The following MBD6 variants were observed in gnomAD, a reference collection of about 807,000 sequenced individuals.
MBD6 encodes the protein methyl-CpG binding domain protein 6.
In MBD6, 22 loss-of-function variants were observed where a neutral mutation model predicts 66.8. The ratio of observed to expected loss-of-function variants is 0.33; its 90% CI spans 0.24 to 0.47. The LOEUF (loss-of-function observed/expected upper bound fraction) is 0.47, where lower values mean the gene tolerates loss of function less well. MBD6 is among the 20% of genes least tolerant of loss of function. The probability of loss-of-function intolerance (pLI) is 1.00; values close to 1 mark genes in which losing one functional copy is unlikely to be tolerated. For synonymous variants in MBD6, 540 were observed against 534.6 expected, an observed-to-expected ratio of 1.01 and a Z score of -0.14; for missense variants, 1,322 against 1,286.9, an observed-to-expected ratio of 1.03 and a Z score of -0.42.
At chr12:57,530,252 C>T (rs73346010), downstream of MBD6, 997 of 155,626 alleles carry the variant, frequency 6.4e-3, 8 homozygotes, top group African/African-American at 0.023. Flanking sequence ...CCTGTTATGA[C>T]GAATGAATAT....
rs1878939579 is a variant in MBD6, at chr12:57,526,226, A to G, written c.1258A>G (p.Thr420Ala). ...TGTGCTGTCCCTGCTGGGACTCCCC[A>G]CCCCTGGCCCTTCCCACTCTGATGG... Reference protein sequence around the residue: ...PSVLSLLGLPTPGPSHSDGSF... With the variant: ...PSVLSLLGLPAPGPSHSDGSF... The change falls in exon 6 of 13, where the codon ACC becomes GCC. Residue 420 changes from threonine to alanine, a missense_variant. By Grantham distance (58) the Thr-to-Ala change is moderately conservative (BLOSUM62 0). Coordinates refer to ENST00000355673, the MANE Select transcript of MBD6 (RefSeq NM_052897.4). 1 of 1,612,814 alleles carries G rather than the reference A, an allele frequency of 6.2e-7. No homozygotes were observed. Among genetic ancestry groups the G allele is most frequent in the South Asian group, 1.1e-5 (1 of 91,036 alleles).
rs1473939766 is a variant in MBD6 at position 57,529,421 on chromosome 12, C to T, written c.*187C>T. On this transcript the variant is annotated 3_prime_UTR_variant, in exon 13 of 13. Transcript: ENST00000355673. ...ATTGCAGGGGGCAGGGAAGTTCACC[C>T]CCCCCCACCACCCCCCCGCCCCCCC... The T allele has an allele frequency of 1.3e-5, 7 of 540,472 alleles. No homozygotes were observed. The highest frequency in any genetic ancestry group is 1.3e-5 in the Non-Finnish European group (4 of 307,604). The allele number at this position is 540,472 out of a possible 1,614,324, so 33.5% of individuals were successfully genotyped here.
chr12:57,527,762 C>G, intron 8 of MBD6, 86 bp from the exon 9 acceptor site: 2 of 1,557,148 alleles, frequency 1.3e-6, no homozygotes, highest in South Asian at 1.2e-5. Flanking sequence ...TCTTTGGCCA[C>G]TGGATAAAGC....
At chr12:57,531,265 T>C (rs1879675693), downstream of MBD6, among the ~76,000 whole-genome samples, 1 of 152,108 alleles carries the variant, frequency 6.6e-6, no homozygotes, top group Non-Finnish European at 1.5e-5. Context: ...CTCACGCCTG[T>C]AATCTCAGCA....
rs1878812364 is a variant in MBD6 at position 57,525,410 on chromosome 12, C to T, written c.442C>T (p.Pro148Ser). The T allele has an allele frequency of 3.2e-6, 5 of 1,541,898 alleles. No homozygotes were observed. In the Admixed American group the frequency reaches 1.1e-4, roughly 33 times the overall value. ...VSPGPPSARP[P>S]CRVPPTTPLN... ...CCCAGGGCCCCCCTCTGCCCGCCCT[C>T]CCTGTCGAGTTCCTCCTACAACTCC... The change falls in exon 6 of 13, where the codon CCC becomes TCC. Residue 148 changes from proline (P) to serine (S), a missense_variant. Physicochemically the swap from Pro to Ser is moderately conservative, Grantham distance 74. Coordinates refer to ENST00000355673, the MANE Select transcript of MBD6 (RefSeq NM_052897.4).
At position 57,526,581 on chromosome 12, in the gene MBD6, C is replaced by G. The variant is rs377266092; in HGVS notation, c.1436C>G (p.Pro479Arg). Residue 479 changes from proline to arginine, a missense_variant, in exon 7 of 13, where the codon CCA (proline) becomes CGA (arginine). Physicochemically the swap from Pro to Arg is moderately radical, Grantham distance 103 (BLOSUM62 -2). Coordinates refer to ENST00000355673, the MANE Select transcript of MBD6 (RefSeq NM_052897.4). ...LSSVPGAPAP[P>R]AASKAPVVPS... ...TCTTTTACAGGTGCCCCTGCCCCAC[C>G]AGCTGCCTCCAAAGCCCCAGTAGTC... The G allele has an allele frequency of 4.8e-4, 731 of 1,511,548 alleles. 8 individuals carry two copies. The South Asian group carries it at 8.5e-3, about 17-fold the overall frequency. The allele number at this position is 1,511,548 out of a possible 1,614,324, so 93.6% of individuals were successfully genotyped here. A position where few individuals can be genotyped will look rare whatever the true frequency, so the allele number is the denominator to read the frequency against.
chr12:57,524,916 C>G, intron 4 of MBD6, 37 bp from the exon 5 acceptor site: 1 of 1,603,920 alleles, frequency 6.2e-7, no homozygotes, highest in Non-Finnish European at 8.5e-7. Flanking sequence ...CAGGTTCCAG[C>G]CCCTCAGGGT....
At chr12:57,526,524 G>GA in intron 6 of MBD6, 42 bp from the exon 7 acceptor site, 3 of 1,513,218 alleles carry the variant, frequency 2.0e-6, no homozygotes, top group Non-Finnish European at 2.6e-6. Flanking sequence ...GATGATGGGA[G>GA]AAAGGGCCTC....
chr12:57,524,126 T>G (rs1878657543), intron 2 of MBD6, 34 bp downstream of exon 2: 1 of 456,494 alleles, frequency 2.2e-6, no homozygotes, highest in African/African-American at 2.0e-5. Flanking sequence ...GACTCCTCAG[T>G]CTCCCTCCCA....
At chr12:57,531,312 C>T (rs1306545280), downstream of MBD6, among the ~76,000 whole-genome samples, 2 of 151,844 alleles carry the variant, frequency 1.3e-5, no homozygotes, top group African/African-American at 4.8e-5. Context: ...CACTTGAGGT[C>T]AGGAGTTTGA....
upstream of MBD6, chr12:57,522,759 A>ACGACGGCGGCGG: frequency 6.4e-6 from 1 of 155,130 alleles, no homozygotes; most frequent in Non-Finnish European, 1.4e-5. Flanking sequence ...TGCGGCAGCG[A>ACGACGGCGGCGG]CGGCGGCGGC....
rs145464519 is a variant in MBD6, at chr12:57,528,427, G to T, written c.2687G>T (p.Arg896Leu). The change falls in exon 10 of 13, where the codon CGT becomes CTT. Residue 896 changes from arginine to leucine, a missense_variant. Coordinates refer to ENST00000355673, the MANE Select transcript of MBD6 (RefSeq NM_052897.4). ...CGACTGGCCCTCAAATGGGGGACACGTGGTGGCTTCAATGGACAAATGGAA... is the reference window on the plus strand; with the variant it reads ...CGACTGGCCCTCAAATGGGGGACACTTGGTGGCTTCAATGGACAAATGGAA... ...PGRLALKWGT[R>L]GGFNGQMERS... 6 of 1,613,396 alleles carry T rather than the reference G, an allele frequency of 3.7e-6. No individual in the cohort carries two copies. The African/African-American group carries it at 6.7e-5, about 18-fold the overall frequency.
rs1231011991 is a variant in MBD6, at chr12:57,527,550, G to A, written c.2126G>A (p.Ser709Asn). ...CCCCAACCTGGACCACCTACCTCCA[G>A]TGTCACCACGGCAACTACTGACCCG... Reference protein sequence around the residue: ...SAPQPGPPTSSVTTATTDPGA... With the variant: ...SAPQPGPPTSNVTTATTDPGA... The change falls in exon 8 of 13, where the codon AGT becomes AAT. Residue 709 changes from serine to asparagine, a missense_variant. By Grantham distance (46) the Ser-to-Asn change is conservative. Transcript: ENST00000355673. The A allele has an allele frequency of 6.2e-7, 1 of 1,614,008 alleles. No homozygotes were observed. The highest frequency in any genetic ancestry group is 1.3e-5 in the African/African-American group (1 of 74,914).
chr12:57,525,938 C>T lies in MBD6; in HGVS notation c.970C>T (p.Leu324Phe), dbSNP rs748705662. The change falls in exon 6 of 13, where the codon CTC becomes TTC. Residue 324 changes from leucine to phenylalanine, a missense_variant. Leu to Phe is a conservative substitution (Grantham distance 22, BLOSUM62 0). Transcript: ENST00000355673. ...GAPPFLASSL[L>F]SAAAKAQHPP... ...ACCCCCCTTCCTTGCTAGCAGCCTA[C>T]TCTCTGCAGCGGCCAAGGCACAGCA... 9.3e-5 allele frequency: 150 copies of T among 1,613,306 alleles called. No individual in the cohort carries two copies. The highest frequency in any genetic ancestry group is 1.1e-4 in the Non-Finnish European group (134 of 1,179,768).
chr12:57,528,337 G>C lies in MBD6; in HGVS notation c.2597G>C (p.Arg866Thr). The change falls in exon 10 of 13, where the codon AGG (arginine) becomes ACG (threonine). Residue 866 changes from arginine (R) to threonine (T), a missense_variant. Arg to Thr is a moderately conservative substitution (Grantham distance 71). Coordinates refer to ENST00000355673, the MANE Select transcript of MBD6 (RefSeq NM_052897.4). ...GGCCGGAGGGGAGGAGGGGGACTTA[G>C]GGGCATTAATGGTGAGGCCAGGCCA... is the stretch of plus-strand genomic sequence containing the variant. ...KRGRRGGGGLRGINGEARPAR... is the reference protein window; with the variant it reads ...KRGRRGGGGLTGINGEARPAR... The C allele has an allele frequency of 6.2e-7, 1 of 1,611,124 alleles. No homozygotes were observed. The highest frequency in any genetic ancestry group is 8.5e-7 in the Non-Finnish European group (1 of 1,178,994).
rs1389040060 is a variant in MBD6, at chr12:57,525,675, G to A, written c.707G>A (p.Ser236Asn). ...AACTGGGGAGCTGCCCTCAGATCCA[G>A]CCTGGTGCCCTCTGACCTGGGCTCT... Reference protein sequence around the residue: ...SYNWGAALRSSLVPSDLGSPP... With the variant: ...SYNWGAALRSNLVPSDLGSPP... Residue 236 changes from serine (S) to asparagine (N), a missense_variant, in exon 6 of 13, where the codon AGC becomes AAC. Ser to Asn is a conservative substitution (Grantham distance 46). Transcript: ENST00000355673. The A allele has an allele frequency of 6.2e-7, 1 of 1,613,936 alleles. No homozygotes were observed. The highest frequency in any genetic ancestry group is 1.3e-5 in the African/African-American group (1 of 74,942).
rs1339686199 is a variant in MBD6, at chr12:57,528,973, C to T, written c.2901C>T (p.Arg967=). 6.2e-7 allele frequency: 1 copy of T among 1,614,104 alleles called. No homozygotes were observed. ...CTACCCGGAACAGCAATAGCTCCCG[C>T]CAGGACATTACCTTGGAACCCAGCC... ...YNPTRNSNSS[R]QDITLEPSPT... The change falls in exon 12 of 13, where the codon CGC becomes CGT. Residue 967 remains arginine (R), a synonymous_variant. Coordinates refer to ENST00000355673, the MANE Select transcript of MBD6 (RefSeq NM_052897.4).
In MBD6 at chr12:57,525,293, A is replaced by T. The variant is rs1207449487; in HGVS notation, c.380-55A>T. 13 of 1,524,136 alleles carry T rather than the reference A, an allele frequency of 8.5e-6. No individual in the cohort carries two copies. In the South Asian group the frequency reaches 1.7e-4, roughly 20 times the overall value. The allele number at this position is 1,524,136 out of a possible 1,614,324, so 94.4% of individuals were successfully genotyped here. On this transcript the variant is annotated intron_variant, in intron 5 of 12. Coordinates refer to ENST00000355673, the MANE Select transcript of MBD6 (RefSeq NM_052897.4). ...TGGGAGATGGGACTAGAGAAGACAA[A>T]AGAGTTTTTGGAAGGGGAGCCACAG...
At chr12:57,531,481 CACTCCAGCCTGGGCA>C (rs1446534134), downstream of MBD6, among the ~76,000 whole-genome samples, 2 of 152,164 alleles carry the variant, frequency 1.3e-5, no homozygotes, top group Non-Finnish European at 2.9e-5. Flanking sequence ...CACACCACTG[CACTCCAGCCTGGGCA>C]ACAGAGCGAG....
Sources: gnomAD v4.1 joint callset for allele counts (sites outside exome capture counted in the v4.1 genomes callset) on GRCh38, gnomAD v4.1.1 for gene constraint, MANE v1.5 for transcripts, NCBI Gene and HGNC (gene_info 2026-07-23, HGNC 2026-07-21) for gene names.